COMMD1: variants seen among roughly 807,000 people sequenced by gnomAD.
COMMD1 encodes copper metabolism domain containing 1, also known as COMM domain-containing protein 1.
A neutral mutation model predicts 17.2 loss-of-function variants in COMMD1; 10 were observed. The ratio of observed to expected loss-of-function variants is 0.58; its 90% CI spans 0.36 to 0.99. The LOEUF (loss-of-function observed/expected upper bound fraction) is 0.99, where lower values mean the gene tolerates loss of function less well. Among genes scored for constraint, COMMD1 ranks in the 50% least tolerant of loss-of-function variants. The pLI is 0.01. For missense variants in COMMD1, 270 were observed against 231.8 expected, an observed-to-expected ratio of 1.17 and a Z score of -1.07; for synonymous variants, 97 against 91.6, an observed-to-expected ratio of 1.06 and a Z score of -0.34.
At chr2:61,980,853 G>A (rs1237476652) in intron 1 of COMMD1, among the ~76,000 whole-genome samples, 3 of 152,170 alleles carry the variant, frequency 2.0e-5, no homozygotes, top group Admixed American at 6.5e-5. Context: ...CATTTTAACT[G>A]GGGTAGGATG....
intron 1 of COMMD1, among the ~76,000 whole-genome samples, chr2:61,925,382 T>C (rs1572968023): frequency 1.3e-5 from 2 of 150,224 alleles, no homozygotes; most frequent in African/African-American, 2.5e-5. Flanking sequence ...GAATGAGGGG[T>C]TTATATTGGG....
chr2:62,119,133 CAT>C, intron 2 of COMMD1: 1 of 152,494 alleles, frequency 6.6e-6, no homozygotes, highest in Non-Finnish European at 1.5e-5. Flanking sequence ...TGTGTCCTTA[CAT>C]ACACACACAC....
At chr2:62,081,615 T>TAC (rs1671523705) in intron 2 of COMMD1, among the ~76,000 whole-genome samples, 2 of 152,184 alleles carry the variant, frequency 1.3e-5, no homozygotes, top group African/African-American at 4.8e-5. Flanking sequence ...TGTCCACCAG[T>TAC]GAGGTTGAGT....
chr2:61,988,785 C>G (rs1431048453), intron 1 of COMMD1, among the ~76,000 whole-genome samples: 1 of 152,074 alleles, frequency 6.6e-6, no homozygotes, highest in Non-Finnish European at 1.5e-5. Flanking sequence ...TATTGAGGAC[C>G]CCACAGCTCT....
intron 2 of COMMD1, among the ~76,000 whole-genome samples, chr2:62,101,097 T>A (rs201504225): frequency 2.7e-5 from 4 of 146,446 alleles, no homozygotes; most frequent in Non-Finnish European, 3.0e-5. Flanking sequence ...GGGCAAGATT[T>A]AAAAAAAAAA....
intron 1 of COMMD1, among the ~76,000 whole-genome samples, chr2:61,970,249 G>A (rs1671611893): frequency 6.7e-6 from 1 of 149,584 alleles, no homozygotes; most frequent in South Asian, 2.1e-4. Flanking sequence ...GCAACAAGAG[G>A]GAAACTCCAC....
At chr2:61,896,515 G>A (rs146511633) in intron 1 of COMMD1, among the ~76,000 whole-genome samples, 34 of 152,138 alleles carry the variant, frequency 2.2e-4, no homozygotes, top group African/African-American at 7.5e-4. Context: ...CTAGAAGTTC[G>A]AGGTTGCAGT....
At chr2:62,001,134 T>G in intron 2 of COMMD1, 152 bp downstream of exon 2, 1 of 789,284 alleles carries the variant, frequency 1.3e-6, no homozygotes, top group East Asian at 2.7e-5. Context: ...TCTGAAAATT[T>G]GGATACTCTC....
At chr2:62,091,691 G>A (rs1238647338) in intron 2 of COMMD1, among the ~76,000 whole-genome samples, 1 of 152,192 alleles carries the variant, frequency 6.6e-6, no homozygotes, top group African/African-American at 2.4e-5. Context: ...TGCTGGATAG[G>A]AGGATCCAGC....
Position 61,963,190 on chromosome 2 carries a change from TACACAC to T in COMMD1, c.181-37485_181-37480del, listed in dbSNP as rs375894719. On this transcript the variant is annotated intron_variant, in intron 1 of 2. Coordinates refer to ENST00000311832, the MANE Select transcript of COMMD1 (RefSeq NM_152516.4). ...AAAAAATATATATATATATATTATA[TACACAC>T]ACACACACACACACACACACACACA... Among the ~76,000 whole-genome samples, 653 of 136,362 alleles carry T rather than the reference TACACAC, an allele frequency of 4.8e-3. 7 individuals carry two copies. The highest frequency in any genetic ancestry group is 0.016 in the African/African-American group (532 of 34,156). 89.5% of individuals were successfully genotyped at this position (136,362 alleles called of 152,430 possible). A position where few individuals can be genotyped will look rare whatever the true frequency, so the allele number is the denominator to read the frequency against.
intron 2 of COMMD1, among the ~76,000 whole-genome samples, chr2:62,010,590 C>G (rs1455294368): frequency 2.0e-5 from 3 of 152,174 alleles, no homozygotes; most frequent in Non-Finnish European, 4.4e-5. Context: ...ATGCCCAAAA[C>G]TAAGTTCCTC....
chr2:62,068,519 C>G lies in COMMD1; in HGVS notation c.463-67312C>G, dbSNP rs539754045. Among the ~76,000 whole-genome samples, 6 of 151,834 alleles carry G rather than the reference C, an allele frequency of 4.0e-5. No homozygotes were observed. The South Asian group carries it at 1.2e-3, about 32-fold the overall frequency. Reference sequence around the variant, plus strand: ...CTTCTGCTGGAGTTCAAAATGACTGCTGAAAGTTACTACAAGGATAGTAGT... The same window carrying G: ...CTTCTGCTGGAGTTCAAAATGACTGGTGAAAGTTACTACAAGGATAGTAGT... On this transcript the variant is annotated intron_variant, in intron 2 of 2. Coordinates refer to ENST00000311832, the MANE Select transcript of COMMD1 (RefSeq NM_152516.4).
At chr2:62,129,873 G>C (rs1273164051) in intron 2 of COMMD1, among the ~76,000 whole-genome samples, 1 of 152,196 alleles carries the variant, frequency 6.6e-6, no homozygotes, top group Non-Finnish European at 1.5e-5. Flanking sequence ...CAAAGTTTGT[G>C]CTCAATAAAG....
intron 2 of COMMD1, among the ~76,000 whole-genome samples, chr2:62,020,367 C>G (rs1669578710): frequency 6.6e-6 from 1 of 152,162 alleles, no homozygotes; most frequent in South Asian, 2.1e-4. Flanking sequence ...CTTAGCTCGT[C>G]CTTCTGGGCT....
At chr2:62,050,179 C>T (rs559634559) in intron 2 of COMMD1, among the ~76,000 whole-genome samples, 16 of 152,210 alleles carry the variant, frequency 1.1e-4, no homozygotes, top group African/African-American at 3.9e-4. Context: ...TTCTGGGTGG[C>T]AAGTCCAGAT....
intron 1 of COMMD1, among the ~76,000 whole-genome samples, chr2:61,980,788 C>T (rs547606902): frequency 2.0e-5 from 3 of 151,912 alleles, no homozygotes; most frequent in Non-Finnish European, 4.4e-5. Context: ...CTTCTGTTGC[C>T]ATTGCTTTTG....
intron 2 of COMMD1, among the ~76,000 whole-genome samples, chr2:62,015,696 T>G (rs912699118): frequency 2.8e-5 from 3 of 108,464 alleles, no homozygotes; most frequent in Non-Finnish European, 3.4e-5. Context: ...AGTTTCTGGG[T>G]TTTTTTTTTT....
chr2:61,960,383 C>G (rs1427463419), intron 1 of COMMD1, among the ~76,000 whole-genome samples: 1 of 152,126 alleles, frequency 6.6e-6, no homozygotes, highest in Non-Finnish European at 1.5e-5. Flanking sequence ...AGTTTCTGCA[C>G]TAACCTTCGA....
intron 1 of COMMD1, among the ~76,000 whole-genome samples, chr2:61,926,945 G>T (rs183594384): frequency 6.6e-6 from 1 of 152,192 alleles, no homozygotes; most frequent in African/African-American, 2.4e-5. Flanking sequence ...CTATTGAGAC[G>T]TGCCTCAGTC....
Sources: allele counts gnomAD v4.1 joint callset (sites outside exome capture counted in the v4.1 genomes callset), GRCh38; gene constraint gnomAD v4.1.1; transcripts MANE v1.5; gene names NCBI Gene and HGNC (gene_info 2026-07-23, HGNC 2026-07-21).